FHIT: variants seen among roughly 807,000 people sequenced by gnomAD.
FHIT encodes fragile histidine triad diadenosine triphosphatase, also known as bis(5'-adenosyl)-triphosphatase.
FHIT carries 19 observed loss-of-function variants against 17.9 expected under a neutral mutation model. The ratio of observed to expected loss-of-function variants is 1.06; its 90% CI spans 0.74 to 1.56. The LOEUF (loss-of-function observed/expected upper bound fraction) is 1.56. FHIT is among the 40% of genes most tolerant of loss of function. The pLI, the probability that FHIT is intolerant of heterozygous loss-of-function variation, is 0.00. For synonymous variants in FHIT, 81 were observed against 69.7 expected, an observed-to-expected ratio of 1.16 and a Z score of -0.81; for missense variants, 248 against 189.2, an observed-to-expected ratio of 1.31 and a Z score of -1.82.
At chr3:60,157,240 A>C (rs1389434775) in intron 5 of FHIT, among the ~76,000 whole-genome samples, 1 of 152,162 alleles carries the variant, frequency 6.6e-6, no homozygotes, top group Non-Finnish European at 1.5e-5. Context: ...GGTACGAAAG[A>C]CCACAGTGAA....
At chr3:60,929,538 A>C (rs1448343796) in intron 3 of FHIT, among the ~76,000 whole-genome samples, 7 of 152,076 alleles carry the variant, frequency 4.6e-5, no homozygotes, top group African/African-American at 1.5e-4. Flanking sequence ...ATCAATGTGC[A>C]AAAATCACAA....
At chr3:60,805,065 G>T (rs371499514) in intron 4 of FHIT, among the ~76,000 whole-genome samples, 1 of 152,210 alleles carries the variant, frequency 6.6e-6, no homozygotes, top group East Asian at 1.9e-4. Flanking sequence ...GAATTGCTCT[G>T]CATAAATGAG....
At chr3:60,129,053 G>GTTTT (rs72428863) in intron 5 of FHIT, among the ~76,000 whole-genome samples, 9 of 123,484 alleles carry the variant, frequency 7.3e-5, no homozygotes, top group Admixed American at 1.7e-4. Flanking sequence ...TTTTTTGTTT[G>GTTTT]TTTTTTTTTT....
intron 5 of FHIT, among the ~76,000 whole-genome samples, chr3:60,107,620 A>G (rs973843217): frequency 3.9e-4 from 60 of 152,266 alleles, no homozygotes; most frequent in African/African-American, 1.4e-3. Context: ...ATATATATAC[A>G]TAAGTTTGTT....
chr3:61,230,881 C>G (rs2040082986), intron 1 of FHIT, among the ~76,000 whole-genome samples: 2 of 152,078 alleles, frequency 1.3e-5, no homozygotes, highest in African/African-American at 4.8e-5. Context: ...AAATTTGATT[C>G]CTACACTAAT....
intron 5 of FHIT, among the ~76,000 whole-genome samples, chr3:60,161,582 A>G (rs1240804429): frequency 6.6e-6 from 1 of 152,172 alleles, no homozygotes; most frequent in Non-Finnish European, 1.5e-5. Context: ...AGAAAAACAA[A>G]GGAGTGTGCT....
intron 4 of FHIT, among the ~76,000 whole-genome samples, chr3:60,715,510 C>T (rs1337918635): frequency 2.0e-5 from 3 of 151,390 alleles, no homozygotes; most frequent in South Asian, 2.1e-4. Flanking sequence ...TCTCAGTAAA[C>T]TATCACAAGG....
At chr3:59,966,203 GC>G (rs1206815871) in intron 7 of FHIT, among the ~76,000 whole-genome samples, 1 of 152,126 alleles carries the variant, frequency 6.6e-6, no homozygotes, top group African/African-American at 2.4e-5. Flanking sequence ...CTCCCATTGG[GC>G]AAAAACTAGA....
intron 5 of FHIT, among the ~76,000 whole-genome samples, chr3:60,351,007 T>TC (rs1418263836): frequency 6.6e-6 from 1 of 151,970 alleles, no homozygotes; most frequent in Non-Finnish European, 1.5e-5. Context: ...TGGAAGTAGA[T>TC]CCCTTCCCAG....
At chr3:60,059,208 T>C (rs1702205859) in intron 5 of FHIT, among the ~76,000 whole-genome samples, 2 of 152,178 alleles carry the variant, frequency 1.3e-5, no homozygotes, top group African/African-American at 2.4e-5. Flanking sequence ...CACCTGTAAC[T>C]GGTAATCAGC....
At chr3:60,525,104 T>C (rs371544538) in intron 5 of FHIT, among the ~76,000 whole-genome samples, 9 of 152,272 alleles carry the variant, frequency 5.9e-5, no homozygotes, top group Admixed American at 6.5e-5. Context: ...ACTGTGGGGA[T>C]AATGAGAGAA....
chr3:60,228,386 G>A (rs939038765), intron 5 of FHIT, among the ~76,000 whole-genome samples: 1 of 152,134 alleles, frequency 6.6e-6, no homozygotes, highest in Admixed American at 6.5e-5. Flanking sequence ...ACTATTAATA[G>A]ACAGGAGTAG....
At chr3:60,470,876 T>C (rs2033055985) in intron 5 of FHIT, among the ~76,000 whole-genome samples, 1 of 152,210 alleles carries the variant, frequency 6.6e-6, no homozygotes, top group Non-Finnish European at 1.5e-5. Context: ...CAAGTACTGC[T>C]TGGCTATCAC....
chr3:60,358,966 G>A (rs140473825), intron 5 of FHIT, among the ~76,000 whole-genome samples: 1 of 152,158 alleles, frequency 6.6e-6, no homozygotes, highest in Non-Finnish European at 1.5e-5. Flanking sequence ...TCTATAGGAG[G>A]TGTTGAGGGC....
intron 8 of FHIT, among the ~76,000 whole-genome samples, chr3:59,774,897 T>C (rs1001180777): frequency 1.3e-5 from 2 of 152,222 alleles, no homozygotes; most frequent in Non-Finnish European, 2.9e-5. Flanking sequence ...CTTCTCTTGA[T>C]ACACCAAGTG....
chr3:60,347,092 A>C (rs958703800), intron 5 of FHIT, among the ~76,000 whole-genome samples: 27 of 151,902 alleles, frequency 1.8e-4, no homozygotes, highest in African/African-American at 6.5e-4. Context: ...CAATGCAAAG[A>C]TTCCCAATCT....
intron 5 of FHIT, among the ~76,000 whole-genome samples, chr3:60,243,710 T>C (rs1008292081): frequency 5.9e-5 from 9 of 152,098 alleles, no homozygotes; most frequent in South Asian, 2.1e-4. Flanking sequence ...TTCTTAAACG[T>C]TGAAGATATA....
chr3:60,766,999 C>T (rs570301887), intron 4 of FHIT, among the ~76,000 whole-genome samples: 4 of 152,122 alleles, frequency 2.6e-5, no homozygotes, highest in Non-Finnish European at 5.9e-5. Context: ...CATCCTAATG[C>T]GAAATGATTA....
intron 3 of FHIT, among the ~76,000 whole-genome samples, chr3:60,983,136 TGTGTGTGTG>T (rs1710565776): frequency 5.3e-5 from 2 of 37,434 alleles, no homozygotes; most frequent in African/African-American, 2.2e-4. Flanking sequence ...CCTTCTCTCT[TGTGTGTGTG>T]TGTGTGTGTG....
Sources: gnomAD v4.1 joint callset for allele counts (sites outside exome capture counted in the v4.1 genomes callset) on GRCh38, gnomAD v4.1.1 for gene constraint, MANE v1.5 for transcripts, NCBI Gene and HGNC (gene_info 2026-07-23, HGNC 2026-07-21) for gene names.